Variants in TNR observed in about 807,000 individuals in gnomAD.
The protein encoded by TNR is tenascin R.
A neutral mutation model predicts 150.4 loss-of-function variants in TNR; 45 were observed. That is an observed-to-expected ratio of 0.30 (90% CI 0.24 to 0.38). TNR has a LOEUF of 0.38. Among genes scored for constraint, TNR ranks in the 10% least tolerant of loss-of-function variants. The pLI is 1.00. For missense variants in TNR, 1,544 were observed against 1,759.1 expected (o/e 0.88, Z 2.19); for synonymous variants, 687 against 678.4 (o/e 1.01, Z -0.20).
At chr1:175,518,046 G>A (rs895771706) in intron 2 of TNR, among the ~76,000 whole-genome samples, 3 of 152,034 alleles carry the variant, frequency 2.0e-5, no homozygotes, top group African/African-American at 7.3e-5. Context: ...GATGGTTTAA[G>A]TAAATAAATA....
chr1:175,391,344 A>G lies in TNR; in HGVS notation c.1451T>C (p.Val484Ala). The change falls in exon 7 of 23, where the codon GTG (valine) becomes GCG (alanine). Residue 484 changes from valine to alanine, a missense_variant. Physicochemically the swap from Val to Ala is moderately conservative, Grantham distance 64. Coordinates refer to ENST00000367674, the MANE Select transcript of TNR (RefSeq NM_003285.3). ...GCGGGCCTGTTCTTTCAGAGCCACC[A>G]CATTGACAATGTATTCCTCCCCAGG... ...LKPGEEYIVNVVALKEQARSP... is the reference protein window; with the variant it reads ...LKPGEEYIVNAVALKEQARSP... The G allele has an allele frequency of 2.5e-6, 4 of 1,614,186 alleles. No homozygotes were observed. The highest frequency in any genetic ancestry group is 1.3e-5 in the African/African-American group (1 of 75,040).
intron 1 of TNR, among the ~76,000 whole-genome samples, chr1:175,650,787 T>TAACTAATAACC (rs1664943247): frequency 8.9e-5 from 3 of 33,630 alleles, no homozygotes; most frequent in African/African-American, 2.6e-4. Context: ...TCATTACTCC[T>TAACTAATAACC]CCTCCCCCAT....
chr1:175,684,513 C>T (rs587874), intron 1 of TNR, among the ~76,000 whole-genome samples: 13,578 of 152,180 alleles, frequency 0.089, 830 homozygotes, highest in Middle Eastern at 0.17. Flanking sequence ...CAAACTAAAG[C>T]CCAGAGAAGT....
chr1:175,739,181 C>G (rs1186871729), intron 1 of TNR, among the ~76,000 whole-genome samples: 2 of 152,090 alleles, frequency 1.3e-5, no homozygotes, highest in Non-Finnish European at 2.9e-5. Flanking sequence ...AGGCAAAACC[C>G]TGGAAGAAGG....
chr1:175,420,365 C>T (rs1267791676), intron 2 of TNR, among the ~76,000 whole-genome samples: 1 of 152,180 alleles, frequency 6.6e-6, no homozygotes, highest in Non-Finnish European at 1.5e-5. Context: ...TAGTCAAATG[C>T]CAAAGTGATA....
intron 1 of TNR, among the ~76,000 whole-genome samples, chr1:175,696,228 T>TGTTGTTGTTG (rs776936256): frequency 3.7e-4 from 45 of 120,924 alleles, no homozygotes; most frequent in East Asian, 3.0e-3. Context: ...TTTTTTTTTT[T>TGTTGTTGTTG]TTTTTTTTTT....
intron 12 of TNR, among the ~76,000 whole-genome samples, chr1:175,364,580 G>A (rs1651749543): frequency 6.6e-6 from 1 of 152,198 alleles, no homozygotes; most frequent in South Asian, 2.1e-4. Context: ...GTCACTACCT[G>A]ATTGCATGCT....
intron 2 of TNR, among the ~76,000 whole-genome samples, chr1:175,422,154 C>A (rs896610965): frequency 6.6e-6 from 1 of 152,214 alleles, no homozygotes; most frequent in Non-Finnish European, 1.5e-5. Context: ...ATGTCAAGAG[C>A]TGTATGCAGT....
At chr1:175,700,772 T>C (rs888031601) in intron 1 of TNR, among the ~76,000 whole-genome samples, 1 of 152,230 alleles carries the variant, frequency 6.6e-6, no homozygotes, top group African/African-American at 2.4e-5. Context: ...TAGCAGACTC[T>C]AGGTCTCCAC....
In TNR at chr1:175,535,660, C is replaced by T. The variant is rs894748220; in HGVS notation, c.-164-7291G>A. Among the ~76,000 whole-genome samples, 8 of 150,592 alleles carry T rather than the reference C, an allele frequency of 5.3e-5. No homozygotes were observed. In the East Asian group the frequency reaches 5.8e-4, roughly 11 times the overall value. ...TTTTTTTTGGTATTTTTAGTAGAGA[C>T]GGGGTCTCACTGTGTTAGCTGTATT... On this transcript the variant is annotated intron_variant, in intron 1 of 22. Transcript: ENST00000367674.
At chr1:175,386,884 G>T (rs1652962700) in intron 7 of TNR, among the ~76,000 whole-genome samples, 1 of 152,200 alleles carries the variant, frequency 6.6e-6, no homozygotes, top group African/African-American at 2.4e-5. Context: ...ATGCCTTCTG[G>T]GTAAACTTGC....
intron 1 of TNR, among the ~76,000 whole-genome samples, chr1:175,710,978 G>A (rs6664375): frequency 0.055 from 8,267 of 151,186 alleles, 313 homozygotes; most frequent in East Asian, 0.17. Context: ...GGTGATATAC[G>A]GCACCTCCTC....
intron 1 of TNR, among the ~76,000 whole-genome samples, chr1:175,647,564 T>C (rs1400031798): frequency 6.6e-6 from 1 of 152,048 alleles, no homozygotes; most frequent in African/African-American, 2.4e-5. Flanking sequence ...AGGCAGAACA[T>C]TTCCAAGCTA....
intron 20 of TNR, among the ~76,000 whole-genome samples, chr1:175,331,146 C>CTCTCTCTTTCTTTT (rs1649873369): frequency 4.1e-5 from 4 of 96,762 alleles, no homozygotes; most frequent in African/African-American, 1.0e-4. Context: ...TTTCTTTCTT[C>CTCTCTCTTTCTTTT]CTTTCTTTCT....
At chr1:175,641,141 G>C (rs1278653128) in intron 1 of TNR, among the ~76,000 whole-genome samples, 8 of 152,122 alleles carry the variant, frequency 5.3e-5, no homozygotes, top group African/African-American at 1.9e-4. Context: ...TGGAGAAATT[G>C]GTTAAATAAA....
intron 1 of TNR, among the ~76,000 whole-genome samples, chr1:175,736,022 T>C (rs1239343434): frequency 6.6e-6 from 1 of 152,202 alleles, no homozygotes; most frequent in Non-Finnish European, 1.5e-5. Context: ...ACCCAACCCA[T>C]TAGCACTTGA....
intron 1 of TNR, among the ~76,000 whole-genome samples, chr1:175,590,011 G>A (rs1662735327): frequency 6.6e-6 from 1 of 152,048 alleles, no homozygotes; most frequent in Admixed American, 6.6e-5. Context: ...ATAAAAAAAA[G>A]ACAGAATCAG....
intron 14 of TNR, among the ~76,000 whole-genome samples, chr1:175,361,983 T>G (rs758508671): frequency 2.6e-5 from 4 of 152,186 alleles, no homozygotes; most frequent in Non-Finnish European, 5.9e-5. Flanking sequence ...CACTTTCCCA[T>G]ATTGCAAGCC....
intron 2 of TNR, among the ~76,000 whole-genome samples, chr1:175,434,908 G>A (rs1262594169): frequency 1.3e-5 from 2 of 152,152 alleles, no homozygotes; most frequent in African/African-American, 4.8e-5. Context: ...CTTCCAGGTT[G>A]CTTTCCATGA....
Sources: gnomAD v4.1 joint callset for allele counts (sites outside exome capture counted in the v4.1 genomes callset) on GRCh38, gnomAD v4.1.1 for gene constraint, MANE v1.5 for transcripts, NCBI Gene and HGNC (gene_info 2026-07-23, HGNC 2026-07-21) for gene names.